Variants in ORMDL3 observed in about 807,000 individuals in gnomAD.
ORMDL3 encodes ORMDL sphingolipid biosynthesis regulator 3.
ORMDL3 carries 6 observed loss-of-function variants against 12.6 expected under a neutral mutation model. That is an observed-to-expected ratio of 0.48 (90% CI 0.26 to 0.94). The LOEUF (loss-of-function observed/expected upper bound fraction) is 0.94. Among genes scored for constraint, ORMDL3 ranks in the 40% least tolerant of loss-of-function variants. The pLI, the probability that ORMDL3 is intolerant of heterozygous loss-of-function variation, is 0.14. For synonymous variants in ORMDL3, 99 were observed against 87.2 expected, an observed-to-expected ratio of 1.14 and a Z score of -0.75; for missense variants, 159 against 205.5, an observed-to-expected ratio of 0.77 and a Z score of 1.38.
chr17:39,927,459 G>A, intron 1 of ORMDL3, 25 bp downstream of exon 1: 1 of 985,554 alleles, frequency 1.0e-6, no homozygotes, highest in Non-Finnish European at 1.2e-6. Flanking sequence ...TAGCCCTGGG[G>A]CCTCTTGGTT....
At chr17:39,923,664 A>C (rs370393360) in intron 2 of ORMDL3, among the ~76,000 whole-genome samples, 9 of 152,234 alleles carry the variant, frequency 5.9e-5, no homozygotes, top group South Asian at 2.1e-4. Context: ...CGGTTCGAGA[A>C]GCTAACTTGA....
At chr17:39,923,026 G>A (rs1293857054) in intron 3 of ORMDL3, 86 bp downstream of exon 3, 19 of 1,535,386 alleles carry the variant, frequency 1.2e-5, no homozygotes, top group East Asian at 6.8e-5. Context: ...CAGGAGCCAC[G>A]GCAGGGTTAA....
At chr17:39,926,672 C>T in intron 1 of ORMDL3, 1 of 623,250 alleles carries the variant, frequency 1.6e-6, no homozygotes, top group Non-Finnish European at 2.0e-6. Flanking sequence ...CCTTCCCGCC[C>T]CACCCTCTTG....
chr17:39,921,750 C>G lies in ORMDL3; in HGVS notation c.*800G>C, dbSNP rs1302747731. The G allele has an allele frequency of 6.6e-6, 1 of 152,480 alleles. No individual in the cohort carries two copies. Among genetic ancestry groups the G allele is most frequent in the Non-Finnish European group, 1.5e-5 (1 of 68,112 alleles). The allele number at this position is 152,480 out of a possible 1,614,324, so 9.4% of individuals were successfully genotyped here. On this transcript the variant is annotated 3_prime_UTR_variant, in exon 4 of 4. Coordinates refer to ENST00000304046, the MANE Select transcript of ORMDL3 (RefSeq NM_139280.4). The stretch of plus-strand genomic sequence containing the variant: ...CCTGCTTCCCTCCCTGCCCACATCC[C>G]AAAGGAGATTGGGTCTAGCTTCTGT...
chr17:39,923,335 C>A, intron 2 of ORMDL3, 72 bp from the exon 3 acceptor site: 1 of 1,528,622 alleles, frequency 6.5e-7, no homozygotes, highest in Non-Finnish European at 9.0e-7. Context: ...CACCCAGTCA[C>A]AGACACAAGT....
At chr17:39,927,299 C>A in intron 1 of ORMDL3, 185 bp downstream of exon 1, 1 of 273,056 alleles carries the variant, frequency 3.7e-6, no homozygotes, top group Non-Finnish European at 5.6e-6. Flanking sequence ...CACCCCCGGC[C>A]TCCCGCTCGC....
rs768390435 is a variant in ORMDL3 at position 39,923,242 on chromosome 17, T to A, written c.196A>T (p.Thr66Ser). ...GTCTCAAAGGGTGTCCCCTTCACCG[T>A]GTGCAGGAAGATATACATGCCCTGG... ...HNMGMYIFLH[T>S]VKGTPFETPD... The change falls in exon 3 of 4, where the codon ACG becomes TCG. Residue 66 changes from threonine to serine, a missense_variant. Transcript: ENST00000304046. The A allele has an allele frequency of 2.5e-6, 4 of 1,614,164 alleles. No individual in the cohort carries two copies. The South Asian group carries it at 4.4e-5, about 18-fold the overall frequency.
chr17:39,925,629 A>C lies in ORMDL3; in HGVS notation c.-22-1404T>G, dbSNP rs561131193. The C allele has an allele frequency of 1.1e-4, 17 of 152,322 alleles. No individual in the cohort carries two copies. The East Asian group carries it at 2.9e-3, about 26-fold the overall frequency. 9.4% of individuals were successfully genotyped at this position (152,322 alleles called of 1,614,324 possible). A position where few individuals can be genotyped will look rare whatever the true frequency, so the allele number is the denominator to read the frequency against. On this transcript the variant is annotated intron_variant, in intron 1 of 3. Coordinates refer to ENST00000304046, the MANE Select transcript of ORMDL3 (RefSeq NM_139280.4). ...ACTAGGATCCTAGCCAAACCTGCAC[A>C]GGAGACTGAGTCCTCAGGGGCCAGT...
At chr17:39,924,945 C>T (rs1978337879) in intron 1 of ORMDL3, 1 of 152,262 alleles carries the variant, frequency 6.6e-6, no homozygotes, top group Non-Finnish European at 1.5e-5. Flanking sequence ...GATGTTTTCT[C>T]CATTTGGCAG....
intron 1 of ORMDL3, chr17:39,925,524 A>T (rs919178559): frequency 6.6e-6 from 1 of 152,184 alleles, no homozygotes; most frequent in African/African-American, 2.4e-5. Flanking sequence ...CCAGATGGAG[A>T]TATTCTAGAA....
chr17:39,927,580 C>G lies in ORMDL3; in HGVS notation c.-119G>C, dbSNP rs1206963975. On this transcript the variant is annotated 5_prime_UTR_variant, in exon 1 of 4. Transcript: ENST00000304046. Reference sequence around the variant, plus strand: ...TAACAACCCGCGGCTGCAGCCTCCCCGCTGGCAGCTCCGGCCGAATCAGCG... The same window carrying G: ...TAACAACCCGCGGCTGCAGCCTCCCGGCTGGCAGCTCCGGCCGAATCAGCG... 5.1e-6 allele frequency: 5 copies of G among 985,578 alleles called. No individual in the cohort carries two copies. The highest frequency in any genetic ancestry group is 4.8e-6 in the Non-Finnish European group (4 of 830,108). The allele number at this position is 985,578 out of a possible 1,614,324, so 61.1% of individuals were successfully genotyped here. A position where few individuals can be genotyped will look rare whatever the true frequency, so the allele number is the denominator to read the frequency against.
In ORMDL3 at chr17:39,923,120, G is replaced by A; in HGVS notation, c.318C>T (p.Pro106=). The part of the protein sequence containing the change: ...TASRKFLTIT[P]IVLYFLTSFY... The stretch of plus-strand genomic sequence containing the variant: ...GTAGCCCAGGCACTCACAGCACGAT[G>A]GGTGTGATGGTCAAGAACTTCCGAG... Residue 106 remains proline (P), a synonymous_variant, in exon 3 of 4, where the codon CCC becomes CCT. Coordinates refer to ENST00000304046, the MANE Select transcript of ORMDL3 (RefSeq NM_139280.4). 2.5e-6 allele frequency: 4 copies of A among 1,614,192 alleles called. No homozygotes were observed. Among genetic ancestry groups the A allele is most frequent in the South Asian group, 2.2e-5 (2 of 91,082 alleles).
In ORMDL3 at chr17:39,922,207, G is replaced by A. The variant is rs1048038628; in HGVS notation, c.*343C>T. On this transcript the variant is annotated 3_prime_UTR_variant, in exon 4 of 4. Coordinates refer to ENST00000304046, the MANE Select transcript of ORMDL3 (RefSeq NM_139280.4). ...TGGCTGCCTGAGGGCAAACAAGTGAGCAGGGGTTTTTCCCCTGGCCTCCTG... is the reference window on the plus strand; with the variant it reads ...TGGCTGCCTGAGGGCAAACAAGTGAACAGGGGTTTTTCCCCTGGCCTCCTG... The A allele has an allele frequency of 5.0e-6, 1 of 200,564 alleles. No homozygotes were observed. 12.4% of individuals were successfully genotyped at this position (200,564 alleles called of 1,614,324 possible). A position where few individuals can be genotyped will look rare whatever the true frequency, so the allele number is the denominator to read the frequency against.
At chr17:39,926,154 T>A (rs1282266533) in intron 1 of ORMDL3, 1 of 152,242 alleles carries the variant, frequency 6.6e-6, no homozygotes, top group Non-Finnish European at 1.5e-5. Flanking sequence ...TGTCCAGGAG[T>A]GCCAAAAGCC....
chr17:39,923,999 G>A (rs764483740), intron 2 of ORMDL3, 31 bp downstream of exon 2: 1 of 1,565,396 alleles, frequency 6.4e-7, no homozygotes, highest in Non-Finnish European at 8.7e-7. Flanking sequence ...GCAGGGGCAG[G>A]GGCAGGGGCA....
chr17:39,927,597 G>A lies in ORMDL3; in HGVS notation c.-136C>T. The A allele has an allele frequency of 7.1e-6, 7 of 985,902 alleles. No individual in the cohort carries two copies. Among genetic ancestry groups the A allele is most frequent in the Non-Finnish European group, 7.2e-6 (6 of 830,254 alleles). 61.1% of individuals were successfully genotyped at this position (985,902 alleles called of 1,614,324 possible). ...AGCCTCCCCGCTGGCAGCTCCGGCCGAATCAGCGCTCCGCGCCGGTCCCCG... is the reference window on the plus strand; with the variant it reads ...AGCCTCCCCGCTGGCAGCTCCGGCCAAATCAGCGCTCCGCGCCGGTCCCCG... On this transcript the variant is annotated 5_prime_UTR_variant, in exon 1 of 4. Transcript: ENST00000304046.
At chr17:39,923,855 G>C (rs1043964019) in intron 2 of ORMDL3, among the ~76,000 whole-genome samples, 175 bp downstream of exon 2, 2 of 151,942 alleles carry the variant, frequency 1.3e-5, no homozygotes, top group Non-Finnish European at 2.9e-5. Context: ...AACCCAGAAG[G>C]GGGAGCAAGG....
chr17:39,923,205 C>T lies in ORMDL3; in HGVS notation c.233G>A (p.Gly78Asp). The T allele has an allele frequency of 6.2e-7, 1 of 1,614,188 alleles. No homozygotes were observed. Among genetic ancestry groups the T allele is most frequent in the Non-Finnish European group, 8.5e-7 (1 of 1,180,014 alleles). ...KGTPFETPDQ[G>D]KARLLTHWEQ... ...CCAGTGGGTTAGCAGCCTCGCCTTG[C>T]CCTGGTCCGGGGTCTCAAAGGGTGT... The change falls in exon 3 of 4, where the codon GGC becomes GAC. Residue 78 changes from glycine to aspartate, a missense_variant. Transcript: ENST00000304046.
chr17:39,923,399 G>A, intron 2 of ORMDL3, 136 bp from the exon 3 acceptor site: 1 of 990,838 alleles, frequency 1.0e-6, no homozygotes, highest in Non-Finnish European at 1.5e-6. Flanking sequence ...ATGGGCTGGA[G>A]GTCAGGATGG....
Sources: gnomAD v4.1 joint callset for allele counts (sites outside exome capture counted in the v4.1 genomes callset) on GRCh38, gnomAD v4.1.1 for gene constraint, MANE v1.5 for transcripts, NCBI Gene and HGNC (gene_info 2026-07-23, HGNC 2026-07-21) for gene names.